The following MRPS27 variants were observed in gnomAD, a reference collection of about 807,000 sequenced individuals.
MRPS27 encodes mitochondrial ribosomal protein S27.
Under a neutral mutation model 48.9 loss-of-function variants are expected in MRPS27, and 43 were observed. The observed-to-expected ratio is 0.88, with a 90% CI of 0.69 to 1.13. MRPS27 has a LOEUF of 1.13. MRPS27 is among the 50% of genes most tolerant of loss of function. MRPS27 has a pLI of 0.00. For missense variants in MRPS27, 467 were observed against 476.3 expected (o/e 0.98, Z 0.18); for synonymous variants, 188 against 171.9 (o/e 1.09, Z -0.73).
At chr5:72,239,747 C>T (rs942132407) in intron 4 of MRPS27, among the ~76,000 whole-genome samples, 1 of 152,132 alleles carries the variant, frequency 6.6e-6, no homozygotes, top group Admixed American at 6.6e-5. Context: ...GCAATCCTAG[C>T]TCACTATAAC....
chr5:72,320,188 G>A lies in MRPS27; in HGVS notation c.34C>T (p.Leu12=), dbSNP rs1421264120. 1 of 1,614,002 alleles carries A rather than the reference G, an allele frequency of 6.2e-7. No homozygotes were observed. Among genetic ancestry groups the A allele is most frequent in the South Asian group, 1.1e-5 (1 of 91,082 alleles). The change falls in exon 1 of 11, where the codon CTG becomes TTG. Residue 12 remains leucine (L), a synonymous_variant. Coordinates refer to ENST00000261413, the MANE Select transcript of MRPS27 (RefSeq NM_015084.3). ...TGAGGAAGAACCACTTGCCGCGCCAGGAGCATCCCGCGCCGCACTATGGAG... is the reference window on the plus strand; with the variant it reads ...TGAGGAAGAACCACTTGCCGCGCCAAGAGCATCCCGCGCCGCACTATGGAG... The part of the protein sequence containing the change: ...AASIVRRGML[L]ARQVVLPQLS...
At chr5:72,241,742 A>C in intron 4 of MRPS27, 1 of 1,508,324 alleles carries the variant, frequency 6.6e-7, no homozygotes, top group Non-Finnish European at 8.9e-7. Context: ...TGATTTTCCA[A>C]TTTGCCTGCA....
intron 2 of MRPS27, among the ~76,000 whole-genome samples, chr5:72,311,709 T>C (rs545823124): frequency 5.3e-5 from 8 of 152,358 alleles, no homozygotes; most frequent in African/African-American, 1.4e-4. Context: ...ACGCTGGCCT[T>C]CTCAGACTCT....
intron 4 of MRPS27, among the ~76,000 whole-genome samples, chr5:72,262,206 C>T (rs1748998743): frequency 6.6e-6 from 1 of 152,148 alleles, no homozygotes; most frequent in Admixed American, 6.5e-5. Flanking sequence ...TTAATATTTT[C>T]TGATTCTTGG....
intron 4 of MRPS27, among the ~76,000 whole-genome samples, chr5:72,260,140 G>A (rs1748926954): frequency 6.6e-6 from 1 of 151,998 alleles, no homozygotes; most frequent in Non-Finnish European, 1.5e-5. Flanking sequence ...CTCAGATTAA[G>A]GCATTTTGCT....
intron 4 of MRPS27, among the ~76,000 whole-genome samples, chr5:72,270,287 G>GA (rs960805316): frequency 1.3e-5 from 2 of 149,602 alleles, no homozygotes; most frequent in African/African-American, 4.9e-5. Context: ...AATAAAAAAA[G>GA]AAAAAATACT....
At chr5:72,229,980 G>C (rs577184397) in intron 7 of MRPS27, among the ~76,000 whole-genome samples, 18 of 152,230 alleles carry the variant, frequency 1.2e-4, no homozygotes, top group South Asian at 6.2e-4. Flanking sequence ...CAAACTTATG[G>C]GATCAAGGGA....
chr5:72,313,778 C>T (rs546190500), intron 2 of MRPS27, among the ~76,000 whole-genome samples: 6 of 151,956 alleles, frequency 3.9e-5, no homozygotes, highest in East Asian at 3.9e-4. Context: ...ATATAAAATA[C>T]GAAATTCTGT....
Position 72,221,081 on chromosome 5 carries a change from T to C in MRPS27, c.1073A>G (p.Gln358Arg). ...GGTGGAGAGTTTTTCCTTGACAAGC[T>C]GGGTGGTCAGACTTAAAAGACCTTC... is the stretch of plus-strand genomic sequence containing the variant. Reference protein sequence around the residue: ...ESEGLLSLTTQLVKEKLSTCE... With the variant: ...ESEGLLSLTTRLVKEKLSTCE... The change falls in exon 11 of 11, where the codon CAG (glutamine) becomes CGG (arginine). Residue 358 changes from glutamine to arginine, a missense_variant. Physicochemically the swap from Gln to Arg is conservative, Grantham distance 43. Coordinates refer to ENST00000261413, the MANE Select transcript of MRPS27 (RefSeq NM_015084.3). 6.2e-7 allele frequency: 1 copy of C among 1,614,194 alleles called. No homozygotes were observed. Among genetic ancestry groups the C allele is most frequent in the South Asian group, 1.1e-5 (1 of 91,086 alleles).
chr5:72,268,879 T>C (rs977145415), intron 4 of MRPS27, among the ~76,000 whole-genome samples: 8 of 152,208 alleles, frequency 5.3e-5, no homozygotes, highest in African/African-American at 1.4e-4. Flanking sequence ...GAGAGGTTTA[T>C]TTATTCTCAC....
intron 4 of MRPS27, among the ~76,000 whole-genome samples, chr5:72,243,118 GGA>G (rs1217187718): frequency 6.6e-6 from 1 of 152,202 alleles, no homozygotes; most frequent in Non-Finnish European, 1.5e-5. Flanking sequence ...GACAGAGATG[GGA>G]GAGGGGGTCA....
chr5:72,318,572 ATCAC>A (rs1421530174), intron 1 of MRPS27, among the ~76,000 whole-genome samples: 1 of 152,180 alleles, frequency 6.6e-6, no homozygotes, highest in East Asian at 1.9e-4. Flanking sequence ...AGGCGGGTGG[ATCAC>A]CTGAGGTCAG....
intron 2 of MRPS27, 152 bp downstream of exon 2, chr5:72,313,929 T>A: frequency 1.8e-6 from 1 of 548,298 alleles, no homozygotes; most frequent in Non-Finnish European, 3.1e-6. Context: ...TTTTGCCATG[T>A]ATAAAAGTCT....
At chr5:72,282,024 G>T (rs564160715) in intron 4 of MRPS27, among the ~76,000 whole-genome samples, 1 of 152,122 alleles carries the variant, frequency 6.6e-6, no homozygotes, top group East Asian at 1.9e-4. Flanking sequence ...GATACTATTT[G>T]TCTTAAAATC....
intron 2 of MRPS27, 37 bp from the exon 3 acceptor site, chr5:72,297,739 G>A: frequency 7.2e-7 from 1 of 1,381,730 alleles, no homozygotes; most frequent in Non-Finnish European, 9.8e-7. Flanking sequence ...CCTTGTTAAA[G>A]ATACATATTT....
At chr5:72,270,058 C>T (rs530717188) in intron 4 of MRPS27, among the ~76,000 whole-genome samples, 11 of 151,566 alleles carry the variant, frequency 7.3e-5, no homozygotes, top group African/African-American at 7.3e-5. Context: ...CCAGGCATGG[C>T]GTCACATGCC....
At chr5:72,318,869 G>A (rs1348478733) in intron 1 of MRPS27, among the ~76,000 whole-genome samples, 2 of 151,402 alleles carry the variant, frequency 1.3e-5, no homozygotes, top group Admixed American at 6.6e-5. Flanking sequence ...AGTTGTTCAC[G>A]GAAACCACAT....
At chr5:72,290,258 C>T (rs1321408130) in intron 4 of MRPS27, among the ~76,000 whole-genome samples, 1 of 152,094 alleles carries the variant, frequency 6.6e-6, no homozygotes, top group African/African-American at 2.4e-5. Context: ...ATGCTCTCTA[C>T]AAGATGAAAA....
At chr5:72,238,985 C>T (rs1024208583) in intron 4 of MRPS27, among the ~76,000 whole-genome samples, 21 of 152,206 alleles carry the variant, frequency 1.4e-4, no homozygotes, top group Non-Finnish European at 4.4e-5. Flanking sequence ...TCTGTAGTCC[C>T]TCTTTTTATT....
Sources: allele counts gnomAD v4.1 joint callset (sites outside exome capture counted in the v4.1 genomes callset), GRCh38; gene constraint gnomAD v4.1.1; transcripts MANE v1.5; gene names NCBI Gene and HGNC (gene_info 2026-07-23, HGNC 2026-07-21).